SFI1: variants seen among roughly 807,000 people sequenced by gnomAD.
SFI1 encodes the protein protein SFI1 homolog.
A neutral mutation model predicts 207.5 loss-of-function variants in SFI1; 195 were observed. The observed-to-expected ratio is 0.94, with a 90% CI of 0.84 to 1.06. SFI1 has a LOEUF of 1.06. Ranked by LOEUF, SFI1 falls within the 50% of genes least tolerant of loss-of-function variation. The probability of loss-of-function intolerance (pLI) is 0.00; values close to 1 mark genes in which losing one functional copy is unlikely to be tolerated. For missense variants in SFI1, 1,634 were observed against 1,588.0 expected, an observed-to-expected ratio of 1.03 and a Z score of -0.49; for synonymous variants, 630 against 598.9, an observed-to-expected ratio of 1.05 and a Z score of -0.76.
intron 28 of SFI1, 81 bp from the exon 29 acceptor site, chr22:31,614,967 G>GTGGCCCCCTTTCCTTCTTGTTCTT: frequency 1.3e-6 from 2 of 1,573,740 alleles, no homozygotes; most frequent in Non-Finnish European, 1.7e-6. Flanking sequence ...CCTGGGGTGG[G>GTGGCCCCCTTTCCTTCTTGTTCTT]TGGCCCCCTT....
chr22:31,511,464 GTTTTTTT>G (rs758898165), intron 2 of SFI1, among the ~76,000 whole-genome samples: 42 of 114,516 alleles, frequency 3.7e-4, no homozygotes, highest in Admixed American at 5.4e-4. Context: ...CATAGTTTCT[GTTTTTTT>G]TTTTTTTTTT....
chr22:31,607,255 T>C (rs150934272), intron 21 of SFI1, among the ~76,000 whole-genome samples: 1,639 of 152,206 alleles, frequency 0.011, 8 homozygotes, highest in Middle Eastern at 0.031. Flanking sequence ...TGTGATTTTG[T>C]AGGCATCACT....
chr22:31,548,420 C>G (rs931474255), intron 5 of SFI1, among the ~76,000 whole-genome samples: 7 of 149,326 alleles, frequency 4.7e-5, no homozygotes, highest in African/African-American at 1.7e-4. Context: ...AAAAACAAAA[C>G]AAAACAAAAC....
intron 2 of SFI1, among the ~76,000 whole-genome samples, chr22:31,512,721 C>T (rs1363993472): frequency 6.6e-6 from 1 of 151,122 alleles, no homozygotes; most frequent in Non-Finnish European, 1.5e-5. Context: ...GAGTCTAGCT[C>T]TGTTGCCCAG....
At chr22:31,568,315 T>C (rs1602933478) in intron 8 of SFI1, among the ~76,000 whole-genome samples, 1 of 148,936 alleles carries the variant, frequency 6.7e-6, no homozygotes, top group African/African-American at 2.5e-5. Flanking sequence ...TCACCCGAGG[T>C]CAGGAGTTCG....
chr22:31,528,782 T>C lies in SFI1; in HGVS notation c.185T>C (p.Leu62Ser), dbSNP rs1393282144. 1.2e-6 allele frequency: 2 copies of C among 1,614,158 alleles called. No individual in the cohort carries two copies. Among genetic ancestry groups the C allele is most frequent in the East Asian group, 2.2e-5 (1 of 44,880 alleles). ...SSASFGIRRE[L>S]PSTSHLVQYR... ...GCATCCTTTGGGATCCGGAGGGAGTTACCTAGTACCAGTCATCTAGTGCAG... is the reference window on the plus strand; with the variant it reads ...GCATCCTTTGGGATCCGGAGGGAGTCACCTAGTACCAGTCATCTAGTGCAG... Residue 62 changes from leucine to serine, a missense_variant, in exon 3 of 33, where the codon TTA (leucine) becomes TCA (serine). Physicochemically the swap from Leu to Ser is moderately radical, Grantham distance 145 (BLOSUM62 -2). Transcript: ENST00000400288.
At position 31,604,327 on chromosome 22, in the gene SFI1, G is replaced by T. The variant is rs2068607156; in HGVS notation, c.1900G>T (p.Ala634Ser). The T allele has an allele frequency of 1.1e-5, 17 of 1,578,898 alleles. No homozygotes were observed. Among genetic ancestry groups the T allele is most frequent in the Non-Finnish European group, 1.4e-5 (16 of 1,164,440 alleles). ...TCTGCAGTGCCTGGCCCTGCGGGGA[G>T]CGGAGCGGCAGAAGCTGATGCGAGC... ...QWRECLALRG[A>S]ERQKLMRADL... The change falls in exon 19 of 33, where the codon GCG becomes TCG. Residue 634 changes from alanine (A) to serine (S), a missense_variant. Transcript: ENST00000400288.
chr22:31,606,685 CTTTT>C (rs1204677720), intron 21 of SFI1: 10 of 184,078 alleles, frequency 5.4e-5, no homozygotes, highest in Admixed American at 2.1e-4. Flanking sequence ...CCAGTATTTT[CTTTT>C]TTTCTTTTTT....
intron 2 of SFI1, among the ~76,000 whole-genome samples, chr22:31,528,099 T>G (rs914151296): frequency 6.6e-6 from 1 of 151,128 alleles, no homozygotes; most frequent in Non-Finnish European, 1.5e-5. Flanking sequence ...GGCAACAGAG[T>G]AAGACCTTAT....
Position 31,546,929 on chromosome 22 carries a change from A to G in SFI1, c.407A>G (p.Gln136Arg). Residue 136 changes from glutamine to arginine, a missense_variant, in exon 5 of 33, where the codon CAG becomes CGG. By Grantham distance (43) the Gln-to-Arg change is conservative. Coordinates refer to ENST00000400288, the MANE Select transcript of SFI1 (RefSeq NM_001007467.3). ...TGGAAAGAGGAGTGGTGGGTTTTCC[A>G]GCACGAGTGGAAACTCTGTGTTCGA... Reference protein sequence around the residue: ...EEWKEEWWVFQHEWKLCVRAD... With the variant: ...EEWKEEWWVFRHEWKLCVRAD... The G allele has an allele frequency of 1.2e-6, 2 of 1,612,462 alleles. No individual in the cohort carries two copies. Among genetic ancestry groups the G allele is most frequent in the East Asian group, 2.2e-5 (1 of 44,816 alleles).
At chr22:31,497,398 T>C (rs1271822183) in intron 1 of SFI1, 2 of 152,204 alleles carry the variant, frequency 1.3e-5, no homozygotes, top group East Asian at 3.8e-4. Context: ...ACCGTTACAG[T>C]GATCTGTGAT....
At chr22:31,541,303 C>T (rs545774457) in intron 4 of SFI1, among the ~76,000 whole-genome samples, 3 of 152,182 alleles carry the variant, frequency 2.0e-5, no homozygotes, top group Non-Finnish European at 2.9e-5. Context: ...AATTTGTTGA[C>T]GGCTCTTGTC....
chr22:31,565,247 A>G (rs1428041166), intron 8 of SFI1, among the ~76,000 whole-genome samples: 4 of 152,024 alleles, frequency 2.6e-5, no homozygotes, highest in Non-Finnish European at 5.9e-5. Flanking sequence ...TTGTTCTCCT[A>G]TATTCTTTTT....
Position 31,602,767 on chromosome 22 carries a change from C to T in SFI1, c.1787C>T (p.Ala596Val), listed in dbSNP as rs754001280. 2 of 1,613,688 alleles carry T rather than the reference C, an allele frequency of 1.2e-6. No homozygotes were observed. Among genetic ancestry groups the T allele is most frequent in the East Asian group, 2.2e-5 (1 of 44,874 alleles). ...KKAFCLWRES[A>V]QGLRTERTGR... ...GCTTTCTGCCTCTGGAGGGAAAGTG[C>T]CCAAGGGCTCAGAACAGAGTGAGTG... The change falls in exon 17 of 33, where the codon GCC (alanine) becomes GTC (valine). Residue 596 changes from alanine (A) to valine (V), a missense_variant. Coordinates refer to ENST00000400288, the MANE Select transcript of SFI1 (RefSeq NM_001007467.3).
intron 3 of SFI1, chr22:31,529,072 GC>G: frequency 2.0e-6 from 1 of 497,194 alleles, no homozygotes; most frequent in Non-Finnish European, 3.5e-6. Context: ...CTCCACTTGT[GC>G]CTCACAATAT....
chr22:31,542,676 C>A (rs917970037), intron 4 of SFI1, among the ~76,000 whole-genome samples: 1 of 151,610 alleles, frequency 6.6e-6, no homozygotes, highest in Admixed American at 6.6e-5. Context: ...TTTATTCATT[C>A]TTTGAGACAG....
At chr22:31,559,647 CAGGAGA>C in intron 7 of SFI1, 1 of 723,738 alleles carries the variant, frequency 1.4e-6, no homozygotes, top group Non-Finnish European at 2.5e-6. Flanking sequence ...ACCAAGTGGG[CAGGAGA>C]ACTCACTGAG....
intron 12 of SFI1, among the ~76,000 whole-genome samples, chr22:31,581,789 C>T (rs186364225): frequency 6.6e-6 from 1 of 152,058 alleles, no homozygotes. Flanking sequence ...TATAATAAGC[C>T]TCTATATAGT....
intron 4 of SFI1, among the ~76,000 whole-genome samples, chr22:31,534,547 C>A (rs2058797550): frequency 6.6e-6 from 1 of 152,040 alleles, no homozygotes; most frequent in South Asian, 2.1e-4. Context: ...CATATTTTGT[C>A]TAATTCCATC....
Sources: allele counts gnomAD v4.1 joint callset (sites outside exome capture counted in the v4.1 genomes callset), GRCh38; gene constraint gnomAD v4.1.1; transcripts MANE v1.5; gene names NCBI Gene and HGNC (gene_info 2026-07-23, HGNC 2026-07-21).